AIRE: variants seen among roughly 807,000 people sequenced by gnomAD.
AIRE encodes the protein autoimmune polyendocrinopathy candidiasis ectodermal dystrophy protein.
In AIRE, 52 loss-of-function variants were observed where a neutral mutation model predicts 62.1. The ratio of observed to expected loss-of-function variants is 0.84; its 90% CI spans 0.67 to 1.06. The LOEUF (loss-of-function observed/expected upper bound fraction) is 1.06, where lower values mean the gene tolerates loss of function less well. Ranked by LOEUF, AIRE falls within the 50% of genes least tolerant of loss-of-function variation. The probability of loss-of-function intolerance (pLI) is 0.00; values close to 1 mark genes in which losing one functional copy is unlikely to be tolerated. For synonymous variants in AIRE, 342 were observed against 321.6 expected (o/e 1.06, Z -0.68); for missense variants, 774 against 755.8 (o/e 1.02, Z -0.28).
intron 8 of AIRE, among the ~76,000 whole-genome samples, chr21:44,291,710 C>G (rs991584808): frequency 6.6e-6 from 1 of 152,264 alleles, no homozygotes; most frequent in Non-Finnish European, 1.5e-5. Context: ...CACGGCCCAC[C>G]GAGCCCTGCC....
At chr21:44,291,277 C>T in intron 8 of AIRE, 67 bp downstream of exon 8, 1 of 1,576,774 alleles carries the variant, frequency 6.3e-7, no homozygotes. Context: ...CCCACTGACC[C>T]TGAAGGGAAG....
intron 12 of AIRE, among the ~76,000 whole-genome samples, chr21:44,295,664 T>C (rs1211208937): frequency 6.6e-6 from 1 of 152,170 alleles, no homozygotes; most frequent in Non-Finnish European, 1.5e-5. Flanking sequence ...AGAGGAAAAG[T>C]TCTGGCTGGC....
intron 12 of AIRE, among the ~76,000 whole-genome samples, chr21:44,295,397 C>T (rs1036320696): frequency 6.6e-6 from 1 of 152,220 alleles, no homozygotes; most frequent in African/African-American, 2.4e-5. Flanking sequence ...CCAGCCCTGC[C>T]CTTGGGGCTT....
chr21:44,293,761 C>T (rs756111616), intron 10 of AIRE, 28 bp from the exon 11 acceptor site: 9 of 1,595,488 alleles, frequency 5.6e-6, no homozygotes, highest in Admixed American at 5.0e-5. Context: ...CGGCCCCCCG[C>T]GTCACCCCGC....
intron 7 of AIRE, chr21:44,290,631 T>C: frequency 9.5e-7 from 1 of 1,052,832 alleles, no homozygotes; most frequent in Middle Eastern, 3.9e-4. Flanking sequence ...CAGCCTAGCC[T>C]GGCTGTCTGG....
Position 44,286,238 on chromosome 21 carries a change from C to T in AIRE, c.132+100C>T. 1.5e-6 allele frequency: 2 copies of T among 1,301,110 alleles called. No individual in the cohort carries two copies. Among genetic ancestry groups the T allele is most frequent in the Non-Finnish European group, 2.1e-6 (2 of 941,946 alleles). 80.6% of individuals were successfully genotyped at this position (1,301,110 alleles called of 1,614,324 possible). ...GACCCCGCCCCTCCAGATCCCCAAG[C>T]CCCTCCAGCCTTCCCCAACTCCCTC... On this transcript the variant is annotated intron_variant, in intron 1 of 13. Transcript: ENST00000291582. This position sits in a 1 kb window ranked among gnomAD's most constrained non-coding sequence, Gnocchi z 6.0.
At chr21:44,292,771 G>A (rs1482172988) in intron 9 of AIRE, among the ~76,000 whole-genome samples, 2 of 152,150 alleles carry the variant, frequency 1.3e-5, no homozygotes, top group Admixed American at 6.5e-5. Context: ...GGGGCCCCCC[G>A]TGTGTAGACG....
chr21:44,293,215 G>A (rs1309261963), intron 10 of AIRE, 40 bp downstream of exon 10: 2 of 1,499,358 alleles, frequency 1.3e-6, no homozygotes, highest in East Asian at 4.9e-5. Context: ...TCTTCAAGGA[G>A]CCCAGGACCT....
chr21:44,293,681 G>A (rs1014823284), intron 10 of AIRE, 108 bp from the exon 11 acceptor site: 24 of 1,531,198 alleles, frequency 1.6e-5, no homozygotes, highest in Admixed American at 9.2e-5. Context: ...GCCTAGACCC[G>A]CCGTCCAGCC....
In AIRE at chr21:44,297,755, G is replaced by C. The variant is rs779035374; in HGVS notation, c.*28G>C. On this transcript the variant is annotated 3_prime_UTR_variant, in exon 14 of 14. Transcript: ENST00000291582. This position sits in a 1 kb window ranked among gnomAD's most constrained non-coding sequence, Gnocchi z 4.8. Reference sequence around the variant, plus strand: ...CCAGATGGCCGGGACATGCAGCTCTGATGAGAGAGTGCTGAGAAGGACACC... The same window carrying C: ...CCAGATGGCCGGGACATGCAGCTCTCATGAGAGAGTGCTGAGAAGGACACC... 10 of 1,591,146 alleles carry C rather than the reference G, an allele frequency of 6.3e-6. No homozygotes were observed. Among genetic ancestry groups the C allele is most frequent in the Non-Finnish European group, 7.8e-6 (9 of 1,161,078 alleles).
In AIRE at chr21:44,287,024, C is replaced by A. The variant is rs528667089; in HGVS notation, c.354C>A (p.Val118=). 5.0e-6 allele frequency: 8 copies of A among 1,612,834 alleles called. No individual in the cohort carries two copies. Among genetic ancestry groups the A allele is most frequent in the Admixed American group, 3.3e-5 (2 of 60,024 alleles). Residue 118 remains valine, a synonymous_variant, in exon 3 of 14, where the codon GTC becomes GTA. Coordinates refer to ENST00000291582, the MANE Select transcript of AIRE (RefSeq NM_000383.4). This position sits in a 1 kb window ranked among gnomAD's most constrained non-coding sequence, Gnocchi z 4.3. ...GGAAGGGGAGGAAGCCCCCGGCCGT[C>A]CCCAAGGCTTTGGTACCGCCACCCA... ...QPRKGRKPPA[V]PKALVPPPRL... is the part of the protein sequence containing the mutation.
In AIRE at chr21:44,286,150, G is replaced by GCCC; in HGVS notation, c.132+13_132+15dup. 8.5e-7 allele frequency: 1 copy of GCCC among 1,177,130 alleles called. No individual in the cohort carries two copies. 72.9% of individuals were successfully genotyped at this position (1,177,130 alleles called of 1,614,324 possible). ...AGGACAAGTTTCAGGTGGGCTCCCC[G>GCCC]CCCGCCCCCCGCTGCCCCCAGGCCC... On this transcript the variant is annotated intron_variant, in intron 1 of 13. Transcript: ENST00000291582. The surrounding 1 kb of genome is among the most constrained non-coding windows in gnomAD (Gnocchi z 6.0).
chr21:44,286,154 GC>G lies in AIRE; in HGVS notation c.132+22del. The G allele has an allele frequency of 2.7e-6, 3 of 1,129,518 alleles. No individual in the cohort carries two copies. The highest frequency in any genetic ancestry group is 1.2e-6 in the Non-Finnish European group (1 of 822,352). 70.0% of individuals were successfully genotyped at this position (1,129,518 alleles called of 1,614,324 possible). A position where few individuals can be genotyped will look rare whatever the true frequency, so the allele number is the denominator to read the frequency against. On this transcript the variant is annotated intron_variant, in intron 1 of 13. Coordinates refer to ENST00000291582, the MANE Select transcript of AIRE (RefSeq NM_000383.4). The surrounding 1 kb of genome is among the most constrained non-coding windows in gnomAD (Gnocchi z 6.0). ...CAAGTTTCAGGTGGGCTCCCCGCCC[GC>G]CCCCCGCTGCCCCCAGGCCCTGTGA...
chr21:44,298,317 A>C lies in AIRE; in HGVS notation c.*590A>C. On this transcript the variant is annotated 3_prime_UTR_variant, in exon 14 of 14. Coordinates refer to ENST00000291582, the MANE Select transcript of AIRE (RefSeq NM_000383.4). ...CCCCATTCCCCTCCCAACCCCTGGC[A>C]CCCTCCACTCTACTTTCTGTCTCTA... 1 of 169,796 alleles carries C rather than the reference A, an allele frequency of 5.9e-6. No homozygotes were observed. The highest frequency in any genetic ancestry group is 1.7e-4 in the East Asian group (1 of 6,038). The allele number at this position is 169,796 out of a possible 1,614,324, so 10.5% of individuals were successfully genotyped here.
At position 44,293,422 on chromosome 21, in the gene AIRE, G is replaced by T. The variant is rs372131123; in HGVS notation, c.1278+247G>T. On this transcript the variant is annotated intron_variant, in intron 10 of 13. Transcript: ENST00000291582. ...AAGGCAGGACAATGAAGGGGGGGAT[G>T]TCCCAGCACACGTGGGAGCCCTCCC... 3.2e-4 allele frequency among the ~76,000 whole-genome samples: 49 copies of T among 152,148 alleles called. 1 individual carries two copies. The highest frequency in any genetic ancestry group is 1.1e-3 in the African/African-American group (46 of 41,506).
chr21:44,289,096 A>G (rs1181112075), intron 5 of AIRE: 2 of 165,788 alleles, frequency 1.2e-5, no homozygotes, highest in African/African-American at 4.8e-5. Context: ...CCACTGTGTT[A>G]CTTCCTAAGG....
Position 44,294,491 on chromosome 21 carries a change from T to A in AIRE, c.1491T>A (p.Pro497=). The change falls in exon 12 of 14, where the codon CCT becomes CCA. Residue 497 remains proline, a synonymous_variant. Coordinates refer to ENST00000291582, the MANE Select transcript of AIRE (RefSeq NM_000383.4). ...CCCCCAGCCCCGCCCGCCTGGCCCC[T>A]GGGCCTGCCAAGGTCAGTGCCGCAG... is the stretch of plus-strand genomic sequence containing the variant. ...VLAPSPARLA[P]GPAKDDTASH... 1 of 1,512,896 alleles carries A rather than the reference T, an allele frequency of 6.6e-7. No individual in the cohort carries two copies. The highest frequency in any genetic ancestry group is 8.8e-7 in the Non-Finnish European group (1 of 1,133,252). 93.7% of individuals were successfully genotyped at this position (1,512,896 alleles called of 1,614,324 possible).
In AIRE at chr21:44,298,449, C is replaced by T. The variant is rs1350017804; in HGVS notation, c.*722C>T. 1 of 153,846 alleles carries T rather than the reference C, an allele frequency of 6.5e-6. No individual in the cohort carries two copies. The allele number at this position is 153,846 out of a possible 1,614,324, so 9.5% of individuals were successfully genotyped here. A position where few individuals can be genotyped will look rare whatever the true frequency, so the allele number is the denominator to read the frequency against. On this transcript the variant is annotated 3_prime_UTR_variant, in exon 14 of 14. Transcript: ENST00000291582. ...GCCCCAAGGTTCATCCATGTTGTAG[C>T]ATGTGCCGAAATCTGCTTCCTTTTT...
At chr21:44,288,320 C>T in intron 4 of AIRE, 25 bp from the exon 5 acceptor site, 1 of 1,532,788 alleles carries the variant, frequency 6.5e-7, no homozygotes, top group African/African-American at 1.4e-5. Flanking sequence ...CCACGGGTGA[C>T]CCCAATGGGT....
Sources: gnomAD v4.1 joint callset for allele counts (sites outside exome capture counted in the v4.1 genomes callset) on GRCh38, gnomAD v4.1.1 for gene constraint, Gnocchi (gnomAD v3.1) non-coding constraint, MANE v1.5 for transcripts, NCBI Gene and HGNC (gene_info 2026-07-23, HGNC 2026-07-21) for gene names.